The following FAM234A variants were observed in gnomAD, a reference collection of about 807,000 sequenced individuals.
FAM234A encodes the protein family with sequence similarity 234 member A, also known as protein FAM234A.
Under a neutral mutation model 49.1 loss-of-function variants are expected in FAM234A, and 42 were observed. The ratio of observed to expected loss-of-function variants is 0.86; its 90% CI spans 0.67 to 1.11. FAM234A has a LOEUF of 1.11. Among genes scored for constraint, FAM234A ranks in the 50% least tolerant of loss-of-function variants. FAM234A has a pLI of 0.00. For synonymous variants in FAM234A, 369 were observed against 316.2 expected (o/e 1.17, Z -1.77); for missense variants, 815 against 745.2 (o/e 1.09, Z -1.09).
At chr16:256,929 A>T (rs2141301963) in intron 3 of FAM234A, among the ~76,000 whole-genome samples, 1 of 151,912 alleles carries the variant, frequency 6.6e-6, no homozygotes, top group Admixed American at 6.6e-5. Flanking sequence ...TTTAGTAGAA[A>T]CGGGGTTTCT....
Position 264,095 on chromosome 16 carries a change from C to G in FAM234A, c.1268C>G (p.Ala423Gly), listed in dbSNP as rs1476022187. 1.9e-6 allele frequency: 3 copies of G among 1,612,378 alleles called. No individual in the cohort carries two copies. In the East Asian group the frequency reaches 6.7e-5, roughly 36 times the overall value. Residue 423 changes from alanine to glycine, a missense_variant, in exon 11 of 13, where the codon GCC becomes GGC. Physicochemically the swap from Ala to Gly is moderately conservative, Grantham distance 60 (BLOSUM62 0). Coordinates refer to ENST00000399932, the MANE Select transcript of FAM234A (RefSeq NM_032039.4). ...LPSLPGGPLS[A>G]SLPTADHRSA... ...AGCCTCCCTGGGGGTCCACTGTCCG[C>G]CAGCCTGCCGACCGCAGACCACCGC...
intron 1 of FAM234A, among the ~76,000 whole-genome samples, chr16:244,037 C>A (rs903376823): frequency 6.6e-6 from 1 of 151,484 alleles, no homozygotes; most frequent in East Asian, 2.0e-4. Flanking sequence ...GGTGCCATCT[C>A]GGCTCACTGC....
chr16:242,504 G>A (rs891531434), intron 1 of FAM234A, among the ~76,000 whole-genome samples: 4 of 151,766 alleles, frequency 2.6e-5, no homozygotes, highest in East Asian at 3.9e-4. Context: ...ACGAGTCACC[G>A]CGGGCTTACT....
chr16:243,494 G>A (rs1001632063), intron 1 of FAM234A, among the ~76,000 whole-genome samples: 11 of 152,144 alleles, frequency 7.2e-5, no homozygotes, highest in African/African-American at 2.2e-4. Context: ...TTTAATGACC[G>A]CAGTAGAGAA....
At chr16:267,410 C>G (rs1279927614), downstream of FAM234A, among the ~76,000 whole-genome samples, 4 of 152,110 alleles carry the variant, frequency 2.6e-5, no homozygotes, top group African/African-American at 9.7e-5. Flanking sequence ...GGACCTGCCC[C>G]CTCCCTCACC....
At chr16:261,623 C>G (rs2051471169) in intron 6 of FAM234A, 109 bp downstream of exon 6, 1 of 1,348,716 alleles carries the variant, frequency 7.4e-7, no homozygotes, top group Admixed American at 2.2e-5. Context: ...GGTCTGACCA[C>G]TTGCCGGGGA....
intron 10 of FAM234A, 57 bp downstream of exon 10, chr16:263,832 T>G: frequency 6.7e-7 from 1 of 1,495,752 alleles, no homozygotes; most frequent in Non-Finnish European, 9.3e-7. Context: ...GATAGACTGG[T>G]CTGAAAGCAG....
rs2051684006 is a variant in FAM234A at position 266,029 on chromosome 16, C to T, written c.*1007C>T. On this transcript the variant is annotated 3_prime_UTR_variant, in exon 13 of 13. Transcript: ENST00000399932. ...GGTCACAGAGCCTGAGCTTCGTAGC[C>T]AAAGCAGCCTGATGACCCACCCACC... 1.0e-6 allele frequency: 1 copy of T among 986,028 alleles called. No homozygotes were observed. The highest frequency in any genetic ancestry group is 4.7e-5 in the South Asian group (1 of 21,286). The allele number at this position is 986,028 out of a possible 1,614,324, so 61.1% of individuals were successfully genotyped here. A position where few individuals can be genotyped will look rare whatever the true frequency, so the allele number is the denominator to read the frequency against.
rs773419788 is a variant in FAM234A, at chr16:262,526, C to T, written c.944C>T (p.Ala315Val). The change falls in exon 8 of 13, where the codon GCC becomes GTC. Residue 315 changes from alanine to valine, a missense_variant. By Grantham distance (64) the Ala-to-Val change is moderately conservative (BLOSUM62 0). Transcript: ENST00000399932. ...CCGCACTGGGAGAGCATGCTCAATG[C>T]CACCACCCGCAGGATGCTTTCCCAC... ...SDPHWESMLNATTRRMLSHSS... is the reference protein window; with the variant it reads ...SDPHWESMLNVTTRRMLSHSS... 6.2e-7 allele frequency: 1 copy of T among 1,608,668 alleles called. No homozygotes were observed. The highest frequency in any genetic ancestry group is 1.7e-5 in the Admixed American group (1 of 59,052).
downstream of FAM234A, among the ~76,000 whole-genome samples, chr16:268,129 GCA>G (rs748636756): frequency 2.3e-3 from 265 of 116,122 alleles, 4 homozygotes; most frequent in African/African-American, 0.011. Flanking sequence ...CACGACACGT[GCA>G]CACACACACC....
downstream of FAM234A, chr16:266,097 C>T (rs891032567): frequency 5.8e-5 from 57 of 985,626 alleles, no homozygotes; most frequent in Non-Finnish European, 6.6e-5. Context: ...GCCTGAAAAA[C>T]CCCGGTGGTC....
At chr16:253,391 T>C (rs1270420290) in intron 2 of FAM234A, among the ~76,000 whole-genome samples, 2 of 152,218 alleles carry the variant, frequency 1.3e-5, no homozygotes, top group East Asian at 3.8e-4. Context: ...TCTGTGCTTA[T>C]CCATGAACAT....
intron 2 of FAM234A, among the ~76,000 whole-genome samples, chr16:252,979 C>G (rs2051079300): frequency 6.6e-6 from 1 of 152,174 alleles, no homozygotes; most frequent in Non-Finnish European, 1.5e-5. Flanking sequence ...CGTCCAGTCT[C>G]TCAGTATGAT....
rs754935510 is a variant in FAM234A, at chr16:264,666, G to T, written c.1397G>T (p.Arg466Leu). The T allele has an allele frequency of 1.2e-6, 2 of 1,612,026 alleles. No individual in the cohort carries two copies. The highest frequency in any genetic ancestry group is 4.5e-5 in the East Asian group (2 of 44,876). ...TACATGTTCCACCCCACCCTGCCGC[G>T]CGTGCTGCTGGAGCTGGCCAATGTC... Reference protein sequence around the residue: ...SLYMFHPTLPRVLLELANVST... With the variant: ...SLYMFHPTLPLVLLELANVST... The change falls in exon 12 of 13, where the codon CGC becomes CTC. Residue 466 changes from arginine to leucine, a missense_variant. Transcript: ENST00000399932.
chr16:245,017 G>A (rs2050757335), intron 1 of FAM234A, among the ~76,000 whole-genome samples: 1 of 151,800 alleles, frequency 6.6e-6, no homozygotes, highest in East Asian at 1.9e-4. Context: ...AAATTCCCAC[G>A]ACTATTGTAC....
intron 1 of FAM234A, among the ~76,000 whole-genome samples, chr16:241,700 G>A (rs1227488521): frequency 1.3e-5 from 2 of 151,956 alleles, no homozygotes; most frequent in Non-Finnish European, 1.5e-5. Context: ...GGCGGATCAC[G>A]AGGTCAGCAG....
intron 3 of FAM234A, among the ~76,000 whole-genome samples, chr16:255,344 C>T (rs973501834): frequency 2.6e-5 from 4 of 152,236 alleles, no homozygotes; most frequent in East Asian, 3.9e-4. Flanking sequence ...AGTACAATTC[C>T]GTTTTAGAAT....
At chr16:268,501 G>T, downstream of FAM234A, 4 of 532,176 alleles carry the variant, frequency 7.5e-6, no homozygotes, top group African/African-American at 1.9e-5. Context: ...GGGATGGGGA[G>T]CAAGGCCAGC....
intron 1 of FAM234A, among the ~76,000 whole-genome samples, chr16:236,834 G>A (rs2050419339): frequency 9.0e-6 from 1 of 111,020 alleles, no homozygotes; most frequent in African/African-American, 3.0e-5. Flanking sequence ...GAAACCCCGG[G>A]GGGCGGAGCC....
Sources: allele counts gnomAD v4.1 joint callset (sites outside exome capture counted in the v4.1 genomes callset), GRCh38; gene constraint gnomAD v4.1.1; transcripts MANE v1.5; gene names NCBI Gene and HGNC (gene_info 2026-07-23, HGNC 2026-07-21).